RBFOX1: variants seen among roughly 807,000 people sequenced by gnomAD.
The protein encoded by RBFOX1 is RNA binding protein fox-1 homolog 1.
A neutral mutation model predicts 57.7 loss-of-function variants in RBFOX1; 8 were observed. The ratio of observed to expected loss-of-function variants is 0.14; its 90% CI spans 0.08 to 0.25. The LOEUF (loss-of-function observed/expected upper bound fraction) is 0.25, where lower values mean the gene tolerates loss of function less well. RBFOX1 is among the 10% of genes least tolerant of loss of function. RBFOX1 has a pLI of 1.00. For missense variants in RBFOX1, 611 were observed against 548.5 expected (o/e 1.11, Z -1.14); for synonymous variants, 326 against 222.4 (o/e 1.47, Z -4.15).
chr16:7,506,164 G>A (rs1463104119), intron 4 of RBFOX1, among the ~76,000 whole-genome samples: 3 of 116,540 alleles, frequency 2.6e-5, no homozygotes, highest in Admixed American at 1.2e-4. Flanking sequence ...CAGCCTGGGT[G>A]ACAGAGCAAG....
intron 3 of RBFOX1, among the ~76,000 whole-genome samples, chr16:6,979,129 A>G (rs541800053): frequency 6.6e-6 from 1 of 152,236 alleles, no homozygotes; most frequent in Admixed American, 6.5e-5. Flanking sequence ...AATTGTACCA[A>G]AAATCAGACC....
chr16:5,343,737 C>G (rs1255751102), intron 1 of RBFOX1, among the ~76,000 whole-genome samples: 1 of 152,116 alleles, frequency 6.6e-6, no homozygotes, highest in Non-Finnish European at 1.5e-5. Context: ...GTGACTATGT[C>G]CGTATGTAAC....
At chr16:7,358,606 G>A (rs964965463) in intron 4 of RBFOX1, among the ~76,000 whole-genome samples, 1 of 152,112 alleles carries the variant, frequency 6.6e-6, no homozygotes, top group Non-Finnish European at 1.5e-5. Flanking sequence ...TTTTTGTAGA[G>A]ACAGGGTTTC....
chr16:6,669,143 A>C (rs1030824131), intron 3 of RBFOX1, among the ~76,000 whole-genome samples: 1 of 152,050 alleles, frequency 6.6e-6, no homozygotes, highest in African/African-American at 2.4e-5. Context: ...GTGTTGATCA[A>C]GGTCAGAAAA....
chr16:6,127,456 G>T (rs1304878502), intron 1 of RBFOX1, among the ~76,000 whole-genome samples: 1 of 152,086 alleles, frequency 6.6e-6, no homozygotes, highest in African/African-American at 2.4e-5. Flanking sequence ...GGCAAGGCAG[G>T]GATTTGAAAG....
intron 3 of RBFOX1, among the ~76,000 whole-genome samples, chr16:6,802,834 G>A (rs1047713831): frequency 1.3e-5 from 2 of 152,184 alleles, no homozygotes; most frequent in Non-Finnish European, 2.9e-5. Flanking sequence ...TGGCTATGAA[G>A]AATTTTATAA....
chr16:6,820,062 G>C (rs1603628736), intron 3 of RBFOX1, among the ~76,000 whole-genome samples: 1 of 152,168 alleles, frequency 6.6e-6, no homozygotes. Context: ...TGAATCGTGG[G>C]GCTTGATTTT....
chr16:7,536,732 C>T (rs1319777166), intron 5 of RBFOX1, among the ~76,000 whole-genome samples: 1 of 152,156 alleles, frequency 6.6e-6, no homozygotes, highest in South Asian at 2.1e-4. Flanking sequence ...CTGTGATTGT[C>T]GATTGTATAT....
intron 4 of RBFOX1, among the ~76,000 whole-genome samples, chr16:7,395,933 C>T (rs971315565): frequency 4.6e-5 from 7 of 152,194 alleles, no homozygotes; most frequent in East Asian, 1.9e-4. Context: ...AAAATATTGT[C>T]GCAAAATACA....
At chr16:6,086,611 G>A (rs1041094897) in intron 1 of RBFOX1, among the ~76,000 whole-genome samples, 1 of 152,152 alleles carries the variant, frequency 6.6e-6, no homozygotes, top group Non-Finnish European at 1.5e-5. Context: ...GGCTGGGGGC[G>A]CATGCTTGGT....
intron 2 of RBFOX1, among the ~76,000 whole-genome samples, chr16:5,524,974 C>T (rs542178506): frequency 6.6e-6 from 1 of 152,212 alleles, no homozygotes. Flanking sequence ...AGCACCTTAT[C>T]TACTTTGTCC....
At chr16:6,735,269 C>T (rs1304272717) in intron 3 of RBFOX1, among the ~76,000 whole-genome samples, 1 of 152,152 alleles carries the variant, frequency 6.6e-6, no homozygotes, top group Non-Finnish European at 1.5e-5. Flanking sequence ...AGTACACTTG[C>T]CTCCTACCCA....
intron 3 of RBFOX1, among the ~76,000 whole-genome samples, chr16:5,684,776 A>G (rs2050452108): frequency 6.6e-6 from 1 of 152,178 alleles, no homozygotes; most frequent in Admixed American, 6.5e-5. Context: ...TGGCTGGTAT[A>G]TCTGGAGCCC....
At chr16:5,819,023 C>T (rs1386208259) in intron 3 of RBFOX1, among the ~76,000 whole-genome samples, 1 of 152,208 alleles carries the variant, frequency 6.6e-6, no homozygotes, top group African/African-American at 2.4e-5. Context: ...ATTTCCCCCT[C>T]CTTGTCTCTG....
At chr16:7,669,282 C>CTGTT (rs146780721) in intron 13 of RBFOX1, among the ~76,000 whole-genome samples, 13,467 of 152,166 alleles carry the variant, frequency 0.089, 1,244 homozygotes, top group African/African-American at 0.23. Context: ...ACCAAGACAT[C>CTGTT]TGTTGGTTGA....
chr16:6,009,665 C>G (rs1207592300), intron 4 of RBFOX1, among the ~76,000 whole-genome samples: 1 of 152,122 alleles, frequency 6.6e-6, no homozygotes, highest in Non-Finnish European at 1.5e-5. Flanking sequence ...GCACAAAGCC[C>G]TCAGATCTTA....
chr16:5,650,326 C>A (rs935395135), intron 3 of RBFOX1, among the ~76,000 whole-genome samples: 25 of 141,600 alleles, frequency 1.8e-4, no homozygotes, highest in Non-Finnish European at 3.4e-4. Flanking sequence ...GCAGCCACGG[C>A]GGTGGTGGTG....
chr16:5,619,432 G>A lies in RBFOX1; in HGVS notation c.318+20471G>A, dbSNP rs983843413. On this transcript the variant is annotated intron_variant, in intron 3 of 19. Coordinates refer to the RBFOX1 transcript ENST00000641259. ...GGGACTAGATTGCTTTGCAAGGTAA[G>A]CTCTTGATTTTATGACCTCATCTCT... Among the ~76,000 whole-genome samples, 4 of 152,168 alleles carry A rather than the reference G, an allele frequency of 2.6e-5. 1 individual carries two copies. The highest frequency in any genetic ancestry group is 9.7e-5 in the African/African-American group (4 of 41,446).
chr16:5,599,024 C>G, exon 3 of RBFOX1: 2 of 1,334,700 alleles, frequency 1.5e-6, no homozygotes, highest in Non-Finnish European at 2.1e-6. Flanking sequence ...CCTTTTCAGC[C>G]TCTTTGGTCT....
Sources: gnomAD v4.1 joint callset for allele counts (sites outside exome capture counted in the v4.1 genomes callset) on GRCh38, gnomAD v4.1.1 for gene constraint, MANE v1.5 for transcripts, NCBI Gene and HGNC (gene_info 2026-07-23, HGNC 2026-07-21) for gene names.